TMC7: variants seen among roughly 807,000 people sequenced by gnomAD.
TMC7 encodes transmembrane channel-like protein 7.
Under a neutral mutation model 82.9 loss-of-function variants are expected in TMC7, and 54 were observed. That is an observed-to-expected ratio of 0.65 (90% CI 0.52 to 0.82). TMC7 has a LOEUF of 0.82. Ranked by LOEUF, TMC7 falls within the 40% of genes least tolerant of loss-of-function variation. The probability of loss-of-function intolerance (pLI) is 0.00; values close to 1 mark genes in which losing one functional copy is unlikely to be tolerated. For synonymous variants in TMC7, 350 were observed against 337.9 expected (o/e 1.04, Z -0.39); for missense variants, 820 against 901.2 (o/e 0.91, Z 1.15).
intron 15 of TMC7, 54 bp from the exon 16 acceptor site, chr16:19,061,724 A>G: frequency 1.3e-6 from 2 of 1,489,774 alleles, no homozygotes; most frequent in East Asian, 2.3e-5. Context: ...GTAGGTAATG[A>G]TGGTATTTGT....
chr16:18,994,388 G>A (rs2039004491), intron 1 of TMC7, among the ~76,000 whole-genome samples: 1 of 151,786 alleles, frequency 6.6e-6, no homozygotes. Flanking sequence ...CCTGGCTCTT[G>A]TGTAAGAATA....
intron 15 of TMC7, chr16:19,059,933 C>T (rs1338101999): frequency 3.3e-5 from 13 of 395,550 alleles, no homozygotes; most frequent in Admixed American, 1.5e-4. Context: ...GCTGAGATTG[C>T]GCTATTGCAC....
At chr16:19,021,927 T>C in intron 4 of TMC7, 131 bp downstream of exon 4, 1 of 1,126,364 alleles carries the variant, frequency 8.9e-7, no homozygotes, top group Non-Finnish European at 1.2e-6. Flanking sequence ...GTCTAGGTTA[T>C]GCTGCAGAAA....
At chr16:19,056,480 G>A (rs1292675964) in intron 13 of TMC7, 62 bp from the exon 14 acceptor site, 2 of 1,559,954 alleles carry the variant, frequency 1.3e-6, no homozygotes, top group East Asian at 2.3e-5. Context: ...GGGTGTACAG[G>A]GGCGGGACAC....
chr16:19,051,252 T>A (rs12920722), intron 12 of TMC7, among the ~76,000 whole-genome samples: 7,672 of 115,400 alleles, frequency 0.066, 247 homozygotes, highest in South Asian at 0.16. Context: ...TTTTTTTTTT[T>A]AATTTTATTA....
chr16:18,984,302 C>T, intron 1 of TMC7, 172 bp downstream of exon 1: 3 of 1,321,122 alleles, frequency 2.3e-6, no homozygotes, highest in Non-Finnish European at 2.9e-6. Flanking sequence ...TATTCCTGCT[C>T]CCTCCACAAA....
chr16:19,023,068 G>A, intron 4 of TMC7, 45 bp from the exon 5 acceptor site: 1 of 1,282,968 alleles, frequency 7.8e-7, no homozygotes, highest in Non-Finnish European at 1.1e-6. Flanking sequence ...AGGTTATAGA[G>A]ACTAAAACTG....
chr16:18,988,530 ATCT>A (rs1357086582), intron 1 of TMC7, among the ~76,000 whole-genome samples: 2 of 151,990 alleles, frequency 1.3e-5, no homozygotes, highest in African/African-American at 4.8e-5. Context: ...AGTTCAATCG[ATCT>A]TCCTGCCTTG....
chr16:19,000,292 C>G (rs1344751686), intron 1 of TMC7, among the ~76,000 whole-genome samples: 1 of 151,990 alleles, frequency 6.6e-6, no homozygotes, highest in Non-Finnish European at 1.5e-5. Context: ...ATGGTGAAAT[C>G]TTGTCTCTAC....
intron 1 of TMC7, among the ~76,000 whole-genome samples, chr16:18,999,345 T>C (rs1235905360): frequency 1.3e-5 from 2 of 152,238 alleles, no homozygotes; most frequent in African/African-American, 4.8e-5. Flanking sequence ...CAGTGGCCAC[T>C]GTATTGGACA....
chr16:19,058,900 C>G (rs551132441), intron 14 of TMC7, among the ~76,000 whole-genome samples: 1 of 151,836 alleles, frequency 6.6e-6, no homozygotes, highest in South Asian at 2.1e-4. Context: ...TTTTTTTAGA[C>G]GGAGGCTTGC....
At chr16:18,989,099 G>GGACGTCTTTCAGTCCAGTA in intron 1 of TMC7, among the ~76,000 whole-genome samples, 1 of 151,300 alleles carries the variant, frequency 6.6e-6, no homozygotes, top group Non-Finnish European at 1.5e-5. Flanking sequence ...ACTATTCTTT[G>GGACGTCTTTCAGTCCAGTA]GACGTCTTTC....
In TMC7 at chr16:19,027,796, T is replaced by C. The variant is rs1960305141; in HGVS notation, c.712-2428T>C. Reference sequence around the variant, plus strand: ...AATGCACGGTTGTCTTGTATAATTTTAAAATACAGATATGCACAATTGTAT... The same window carrying C: ...AATGCACGGTTGTCTTGTATAATTTCAAAATACAGATATGCACAATTGTAT... On this transcript the variant is annotated intron_variant, in intron 5 of 15. Coordinates refer to ENST00000304381, the MANE Select transcript of TMC7 (RefSeq NM_024847.4). 4.6e-5 allele frequency among the ~76,000 whole-genome samples: 7 copies of C among 152,182 alleles called. No homozygotes were observed. The South Asian group carries it at 1.4e-3, about 31-fold the overall frequency.
At chr16:19,028,388 A>G (rs996906480) in intron 5 of TMC7, among the ~76,000 whole-genome samples, 1 of 152,132 alleles carries the variant, frequency 6.6e-6, no homozygotes, top group Non-Finnish European at 1.5e-5. Context: ...ATTTAAAAAA[A>G]AAGAAGGAGA....
At chr16:19,017,145 A>G (rs1959732243) in intron 3 of TMC7, among the ~76,000 whole-genome samples, 1 of 152,132 alleles carries the variant, frequency 6.6e-6, no homozygotes, top group South Asian at 2.1e-4. Context: ...AGACCGCACT[A>G]TTGCACTCCA....
At chr16:18,989,392 C>G (rs977407906) in intron 1 of TMC7, among the ~76,000 whole-genome samples, 1 of 152,168 alleles carries the variant, frequency 6.6e-6, no homozygotes, top group Non-Finnish European at 1.5e-5. Flanking sequence ...TCCAAGGGCC[C>G]TCAGTGGCTT....
Position 19,016,674 on chromosome 16 carries a change from C to G in TMC7, c.460+76C>G, listed in dbSNP as rs756409398. 3 of 1,475,012 alleles carry G rather than the reference C, an allele frequency of 2.0e-6. No individual in the cohort carries two copies. The South Asian group carries it at 3.9e-5, about 19-fold the overall frequency. 91.4% of individuals were successfully genotyped at this position (1,475,012 alleles called of 1,614,324 possible). A position where few individuals can be genotyped will look rare whatever the true frequency, so the allele number is the denominator to read the frequency against. ...GGGAGCAAGTACAGCTTCGTTTCCA[C>G]TAGGGTCTAGCTGAAATTGAGCATT... On this transcript the variant is annotated intron_variant, in intron 3 of 15. Coordinates refer to ENST00000304381, the MANE Select transcript of TMC7 (RefSeq NM_024847.4).
At chr16:19,024,850 CA>C (rs562101484) in intron 5 of TMC7, among the ~76,000 whole-genome samples, 5 of 151,772 alleles carry the variant, frequency 3.3e-5, no homozygotes, top group Admixed American at 1.3e-4. Flanking sequence ...ACTAAAAATA[CA>C]AAAAATTAGC....
At chr16:18,990,374 A>C (rs2038929029) in intron 1 of TMC7, among the ~76,000 whole-genome samples, 1 of 152,144 alleles carries the variant, frequency 6.6e-6, no homozygotes, top group Non-Finnish European at 1.5e-5. Context: ...GGCTCACTGC[A>C]AACTCTGCCT....
Sources: allele counts gnomAD v4.1 joint callset (sites outside exome capture counted in the v4.1 genomes callset), GRCh38; gene constraint gnomAD v4.1.1; transcripts MANE v1.5; gene names NCBI Gene and HGNC (gene_info 2026-07-23, HGNC 2026-07-21).